NPC1L1: variants seen among roughly 807,000 people sequenced by gnomAD.
The protein encoded by NPC1L1 is NPC1 like intracellular cholesterol transporter 1.
NPC1L1 carries 98 observed loss-of-function variants against 117.0 expected under a neutral mutation model. The ratio of observed to expected loss-of-function variants is 0.84; its 90% CI spans 0.71 to 0.99. The LOEUF (loss-of-function observed/expected upper bound fraction) is 0.99, where lower values mean the gene tolerates loss of function less well. Among genes scored for constraint, NPC1L1 ranks in the 50% least tolerant of loss-of-function variants. The pLI is 0.00. For synonymous variants in NPC1L1, 729 were observed against 727.6 expected, an observed-to-expected ratio of 1.00 and a Z score of -0.03; for missense variants, 1,540 against 1,710.0, an observed-to-expected ratio of 0.90 and a Z score of 1.75.
chr7:44,528,217 A>C (rs1327730105), intron 10 of NPC1L1, among the ~76,000 whole-genome samples: 1 of 152,206 alleles, frequency 6.6e-6, no homozygotes, highest in East Asian at 1.9e-4. Flanking sequence ...TCCTGGACTC[A>C]AGCAAGCCTC....
intron 14 of NPC1L1, among the ~76,000 whole-genome samples, chr7:44,519,868 C>T (rs555849925): frequency 2.0e-5 from 3 of 150,278 alleles, no homozygotes; most frequent in South Asian, 2.1e-4. Context: ...TGCAGTGTTG[C>T]GATCACAGTT....
At chr7:44,515,688 T>C in intron 18 of NPC1L1, 115 bp downstream of exon 18, 1 of 1,283,470 alleles carries the variant, frequency 7.8e-7, no homozygotes, top group Non-Finnish European at 1.1e-6. Context: ...TCCTGGCTTC[T>C]GACATCTGCC....
chr7:44,520,672 G>A (rs776787954), intron 14 of NPC1L1, 93 bp downstream of exon 14: 1 of 1,084,084 alleles, frequency 9.2e-7, no homozygotes, highest in East Asian at 2.4e-5. Context: ...ACAAAGGAGG[G>A]AGACAACATG....
rs866076761 is a variant in NPC1L1 at position 44,516,691 on chromosome 7, C to T, written c.3519+12G>A. 6.2e-7 allele frequency: 1 copy of T among 1,600,792 alleles called. No homozygotes were observed. Among genetic ancestry groups the T allele is most frequent in the South Asian group, 1.1e-5 (1 of 89,286 alleles). ...TCCAGAGGCCCCCTGGTGCCTGTGT[C>T]TGCTGGGTTACCGAGACCAGGTTGA... On this transcript the variant is annotated intron_variant, in intron 16 of 18. Coordinates refer to ENST00000381160, the MANE Select transcript of NPC1L1 (RefSeq NM_001101648.2).
chr7:44,536,114 AGC>A lies in NPC1L1; in HGVS notation c.1854+140_1854+141del. Reference sequence around the variant, plus strand: ...TAATCGCAGGTGAGGCTATAAGAACAGCCATCACAATCACCCCGTTCTGAGCA... The same window carrying A: ...TAATCGCAGGTGAGGCTATAAGAACACATCACAATCACCCCGTTCTGAGCA... On this transcript the variant is annotated intron_variant, in intron 4 of 18. Coordinates refer to ENST00000381160, the MANE Select transcript of NPC1L1 (RefSeq NM_001101648.2). The surrounding 1 kb of genome is among the most constrained non-coding windows in gnomAD (Gnocchi z 4.7). The A allele has an allele frequency of 2.0e-6, 3 of 1,531,966 alleles. No homozygotes were observed. Among genetic ancestry groups the A allele is most frequent in the Non-Finnish European group, 2.7e-6 (3 of 1,109,344 alleles). 94.9% of individuals were successfully genotyped at this position (1,531,966 alleles called of 1,614,324 possible). A position where few individuals can be genotyped will look rare whatever the true frequency, so the allele number is the denominator to read the frequency against.
rs766822887 is a variant in NPC1L1 at position 44,536,792 on chromosome 7, C to T, written c.1681+50G>A. The stretch of plus-strand genomic sequence containing the variant: ...CCCACCCTCCCGTCTATGGTTCCTG[C>T]CCCAATACTGCATCTTCCTTGGCTT... On this transcript the variant is annotated intron_variant, in intron 3 of 18. Coordinates refer to ENST00000381160, the MANE Select transcript of NPC1L1 (RefSeq NM_001101648.2). This position sits in a 1 kb window ranked among gnomAD's most constrained non-coding sequence, Gnocchi z 4.7. The T allele has an allele frequency of 8.0e-6, 12 of 1,504,250 alleles. No homozygotes were observed. Among genetic ancestry groups the T allele is most frequent in the Non-Finnish European group, 1.1e-5 (12 of 1,080,720 alleles). The allele number at this position is 1,504,250 out of a possible 1,614,324, so 93.2% of individuals were successfully genotyped here.
In NPC1L1 at chr7:44,516,695, T is replaced by C. The variant is rs1217098443; in HGVS notation, c.3519+8A>G. 6.2e-7 allele frequency: 1 copy of C among 1,604,052 alleles called. No individual in the cohort carries two copies. Among genetic ancestry groups the C allele is most frequent in the South Asian group, 1.1e-5 (1 of 89,562 alleles). On this transcript the variant is annotated splice_region_variant and intron_variant, in intron 16 of 18. Coordinates refer to ENST00000381160, the MANE Select transcript of NPC1L1 (RefSeq NM_001101648.2). The stretch of plus-strand genomic sequence containing the variant: ...GAGGCCCCCTGGTGCCTGTGTCTGC[T>C]GGGTTACCGAGACCAGGTTGATGAG...
chr7:44,515,754 TCGTCAGC>T, intron 18 of NPC1L1, 42 bp downstream of exon 18: 1 of 1,611,442 alleles, frequency 6.2e-7, no homozygotes, highest in Non-Finnish European at 8.5e-7. Flanking sequence ...GTTACTGTTG[TCGTCAGC>T]ATAATCATGA....
At chr7:44,513,688 A>C in intron 18 of NPC1L1, 39 bp from the exon 19 acceptor site, 1 of 1,601,130 alleles carries the variant, frequency 6.2e-7, no homozygotes, top group Non-Finnish European at 8.5e-7. Flanking sequence ...AGAGGTGGGC[A>C]GGGGACACAG....
At chr7:44,540,426 G>A in intron 1 of NPC1L1, 84 bp from the exon 2 acceptor site, 1 of 1,259,432 alleles carries the variant, frequency 7.9e-7, no homozygotes, top group Non-Finnish European at 1.1e-6. Flanking sequence ...GGGTGTGAGG[G>A]TAAGAAGGAC....
intron 10 of NPC1L1, 127 bp from the exon 11 acceptor site, chr7:44,522,369 G>T (rs1801388594): frequency 3.4e-6 from 3 of 889,516 alleles, no homozygotes; most frequent in Non-Finnish European, 5.4e-6. Flanking sequence ...AGAGGTCCAT[G>T]ATCAGAGGAA....
At chr7:44,519,627 C>T (rs1364083679) in intron 14 of NPC1L1, among the ~76,000 whole-genome samples, 1 of 152,180 alleles carries the variant, frequency 6.6e-6, no homozygotes, top group Non-Finnish European at 1.5e-5. Context: ...CACCGACGAC[C>T]CCCATGTCCA....
chr7:44,523,151 G>T (rs1801411705), intron 10 of NPC1L1, among the ~76,000 whole-genome samples: 1 of 152,190 alleles, frequency 6.6e-6, no homozygotes, highest in South Asian at 2.1e-4. Flanking sequence ...CGCCTCCTGG[G>T]TTCAAGCGAT....
rs1801473424 is a variant in NPC1L1 at position 44,525,186 on chromosome 7, A to T, written c.2638-2944T>A. Among the ~76,000 whole-genome samples, 3 of 152,216 alleles carry T rather than the reference A, an allele frequency of 2.0e-5. No individual in the cohort carries two copies. In the South Asian group the frequency reaches 6.2e-4, roughly 32 times the overall value. ...CAGAACTCCCCAAATTTGATGAAAG[A>T]CATGAATATAAACATTCAAGAAACT... On this transcript the variant is annotated intron_variant, in intron 10 of 18. Coordinates refer to ENST00000381160, the MANE Select transcript of NPC1L1 (RefSeq NM_001101648.2).
At chr7:44,537,098 T>C (rs1801924431) in intron 2 of NPC1L1, among the ~76,000 whole-genome samples, 156 bp from the exon 3 acceptor site, 1 of 152,122 alleles carries the variant, frequency 6.6e-6, no homozygotes, top group Non-Finnish European at 1.5e-5. Flanking sequence ...CTATCTGCAT[T>C]TAGGCCATTT....
intron 10 of NPC1L1, among the ~76,000 whole-genome samples, 168 bp from the exon 11 acceptor site, chr7:44,522,410 T>C (rs1801389820): frequency 6.6e-6 from 1 of 152,056 alleles, no homozygotes; most frequent in Non-Finnish European, 1.5e-5. Context: ...GAGACACACA[T>C]GCAGTTACAC....
intron 14 of NPC1L1, 52 bp from the exon 15 acceptor site, chr7:44,517,409 C>T: frequency 1.9e-6 from 3 of 1,601,104 alleles, no homozygotes; most frequent in Non-Finnish European, 2.5e-6. Flanking sequence ...AGAGCCCTTT[C>T]CAGGACAACT....
Position 44,513,246 on chromosome 7 carries a change from G to T in NPC1L1, c.*201C>A. The T allele has an allele frequency of 1.6e-6, 1 of 609,926 alleles. No homozygotes were observed. The highest frequency in any genetic ancestry group is 2.9e-6 in the Non-Finnish European group (1 of 340,710). 37.8% of individuals were successfully genotyped at this position (609,926 alleles called of 1,614,324 possible). A position where few individuals can be genotyped will look rare whatever the true frequency, so the allele number is the denominator to read the frequency against. ...AGGCCTAGGTGACTTGGAAACTGGG[G>T]ACCCACTATGGGAGCAGAGGAGCCA... On this transcript the variant is annotated 3_prime_UTR_variant, in exon 19 of 19. Coordinates refer to ENST00000381160, the MANE Select transcript of NPC1L1 (RefSeq NM_001101648.2).
intron 18 of NPC1L1, among the ~76,000 whole-genome samples, chr7:44,515,245 T>A (rs971774494): frequency 6.6e-6 from 1 of 151,752 alleles, no homozygotes; most frequent in African/African-American, 2.4e-5. Context: ...TCCCAGCTAC[T>A]CGGGAGGCTG....
Sources: allele counts gnomAD v4.1 joint callset (sites outside exome capture counted in the v4.1 genomes callset), GRCh38; gene constraint gnomAD v4.1.1; non-coding constraint Gnocchi (gnomAD v3.1); transcripts MANE v1.5; gene names NCBI Gene and HGNC (gene_info 2026-07-23, HGNC 2026-07-21).